Variants in DOK6 observed in about 807,000 individuals in gnomAD.
DOK6 encodes downstream of tyrosine kinase 6.
A neutral mutation model predicts 44.0 loss-of-function variants in DOK6; 22 were observed. The observed-to-expected ratio is 0.50, with a 90% confidence interval of 0.36 to 0.71. DOK6 has a LOEUF of 0.71. Ranked by LOEUF, DOK6 falls within the 30% of genes least tolerant of loss-of-function variation. The probability of loss-of-function intolerance (pLI) is 0.00; values close to 1 mark genes in which losing one functional copy is unlikely to be tolerated. For missense variants in DOK6, 340 were observed against 416.4 expected, an observed-to-expected ratio of 0.82 and a Z score of 1.60; for synonymous variants, 166 against 145.5, an observed-to-expected ratio of 1.14 and a Z score of -1.01.
At chr18:69,634,021 G>T (rs1298060602) in intron 3 of DOK6, among the ~76,000 whole-genome samples, 2 of 151,116 alleles carry the variant, frequency 1.3e-5, no homozygotes, top group African/African-American at 2.4e-5. Flanking sequence ...CAGTGACTTT[G>T]ATCTAATCAT....
At chr18:69,604,094 GC>G (rs2144625532) in intron 3 of DOK6, among the ~76,000 whole-genome samples, 1 of 152,136 alleles carries the variant, frequency 6.6e-6, no homozygotes, top group Non-Finnish European at 1.5e-5. Context: ...ACTGAACCCT[GC>G]AATTATTTTT....
chr18:69,657,753 G>A (rs549678898), intron 3 of DOK6, among the ~76,000 whole-genome samples: 21 of 152,242 alleles, frequency 1.4e-4, no homozygotes, highest in African/African-American at 4.3e-4. Flanking sequence ...TAGTAAATTC[G>A]TGAACTTGAT....
chr18:69,841,655 G>A lies in DOK6; in HGVS notation c.*272G>A. The A allele has an allele frequency of 2.7e-6, 1 of 369,118 alleles. No homozygotes were observed. The highest frequency in any genetic ancestry group is 2.0e-5 in the African/African-American group (1 of 49,444). 22.9% of individuals were successfully genotyped at this position (369,118 alleles called of 1,614,324 possible). On this transcript the variant is annotated 3_prime_UTR_variant, in exon 8 of 8. Transcript: ENST00000382713. Reference sequence around the variant, plus strand: ...GTTATTTAAATAAACAAAATTCTTTGGGTCTGACAGTAACAGAAACCTCAG... The same window carrying A: ...GTTATTTAAATAAACAAAATTCTTTAGGTCTGACAGTAACAGAAACCTCAG...
chr18:69,805,823 G>A (rs973266387), intron 7 of DOK6, among the ~76,000 whole-genome samples: 9 of 152,152 alleles, frequency 5.9e-5, no homozygotes, highest in African/African-American at 1.4e-4. Flanking sequence ...CTTGTGGTAC[G>A]AGTATACAAA....
intron 1 of DOK6, among the ~76,000 whole-genome samples, chr18:69,428,814 C>T (rs1342768016): frequency 6.6e-6 from 1 of 152,172 alleles, no homozygotes; most frequent in African/African-American, 2.4e-5. Context: ...AAACAAACTC[C>T]TAGAGTGTCA....
At chr18:69,594,566 A>C (rs73455888) in intron 2 of DOK6, among the ~76,000 whole-genome samples, 2,467 of 150,174 alleles carry the variant, frequency 0.016, 77 homozygotes, top group African/African-American at 0.057. Flanking sequence ...ATAGCACTAG[A>C]AGTCCTAGCC....
intron 1 of DOK6, among the ~76,000 whole-genome samples, chr18:69,484,303 T>C (rs1980512670): frequency 6.6e-6 from 1 of 150,638 alleles, no homozygotes; most frequent in South Asian, 2.1e-4. Flanking sequence ...ACTAAGATAC[T>C]TATTTTATAG....
chr18:69,736,512 T>C (rs927977980), intron 5 of DOK6, among the ~76,000 whole-genome samples: 8 of 152,200 alleles, frequency 5.3e-5, no homozygotes, highest in African/African-American at 1.7e-4. Context: ...GAGATTACAA[T>C]TGCAATTGTC....
At chr18:69,676,516 G>C (rs1985925590) in intron 3 of DOK6, among the ~76,000 whole-genome samples, 1 of 152,106 alleles carries the variant, frequency 6.6e-6, no homozygotes, top group Non-Finnish European at 1.5e-5. Flanking sequence ...CCAAGACAAA[G>C]GGTGAGGTGT....
chr18:69,411,797 T>C (rs1239935312), intron 1 of DOK6, among the ~76,000 whole-genome samples: 2 of 152,116 alleles, frequency 1.3e-5, no homozygotes, highest in African/African-American at 4.8e-5. Context: ...ATTCTTTCTC[T>C]TTGTCCTTAC....
intron 1 of DOK6, among the ~76,000 whole-genome samples, chr18:69,560,618 A>G (rs374608546): frequency 4.6e-5 from 7 of 152,170 alleles, no homozygotes; most frequent in Non-Finnish European, 8.8e-5. Flanking sequence ...AATAATTTGT[A>G]AAGTACATGT....
intron 1 of DOK6, among the ~76,000 whole-genome samples, chr18:69,416,159 A>G (rs1978336080): frequency 2.0e-5 from 1 of 50,732 alleles, no homozygotes; most frequent in Non-Finnish European, 4.4e-5. Flanking sequence ...GGAGGGAGGG[A>G]AGGAAGGAAG....
chr18:69,506,875 G>GCA (rs35233817), intron 1 of DOK6, among the ~76,000 whole-genome samples: 75,202 of 150,012 alleles, frequency 0.5, 20,881 homozygotes, highest in Middle Eastern at 0.65. Context: ...TGTTGAAAAT[G>GCA]CACACACACA....
At chr18:69,593,643 A>T (rs1983672628) in intron 2 of DOK6, among the ~76,000 whole-genome samples, 2 of 152,196 alleles carry the variant, frequency 1.3e-5, no homozygotes. Flanking sequence ...AGGCTCTGAA[A>T]TTAGAAAATC....
chr18:69,532,062 T>C (rs1054017731), intron 1 of DOK6, among the ~76,000 whole-genome samples: 5 of 152,174 alleles, frequency 3.3e-5, no homozygotes, highest in African/African-American at 1.2e-4. Flanking sequence ...AAGACATCTT[T>C]CTGCAAGCCA....
chr18:69,599,441 C>T lies in DOK6; in HGVS notation c.232C>T (p.His78Tyr). 1.2e-6 allele frequency: 2 copies of T among 1,613,962 alleles called. No individual in the cohort carries two copies. The highest frequency in any genetic ancestry group is 2.2e-5 in the South Asian group (2 of 91,062). Reference protein sequence around the residue: ...ITRLPRETKKHAVAIIFHDET... With the variant: ...ITRLPRETKKYAVAIIFHDET... ...CAGACTGCCCCGAGAGACAAAGAAG[C>T]ATGCGGTGGCAATCATCTTTCACGA... Residue 78 changes from histidine (H) to tyrosine (Y), a missense_variant, in exon 3 of 8, where the codon CAT (histidine) becomes TAT (tyrosine). Around this residue, in one of 3 missense-constraint regions of DOK6, gnomAD observed 206 missense variants for 258.6 expected, o/e 0.80. Coordinates refer to ENST00000382713, the MANE Select transcript of DOK6 (RefSeq NM_152721.6).
At chr18:69,779,913 A>C (rs1369804574) in intron 7 of DOK6, among the ~76,000 whole-genome samples, 1 of 151,998 alleles carries the variant, frequency 6.6e-6, no homozygotes, top group African/African-American at 2.4e-5. Flanking sequence ...TCATGTTTTC[A>C]CAGTTTCATG....
At chr18:69,713,846 A>T (rs1378195495) in intron 5 of DOK6, among the ~76,000 whole-genome samples, 1 of 152,160 alleles carries the variant, frequency 6.6e-6, no homozygotes, top group Non-Finnish European at 1.5e-5. Context: ...GTGGTATATC[A>T]CCATGAAACG....
chr18:69,506,839 T>A (rs1057168160), intron 1 of DOK6, among the ~76,000 whole-genome samples: 3 of 151,974 alleles, frequency 2.0e-5, no homozygotes, highest in Admixed American at 2.0e-4. Context: ...GATGGCAACA[T>A]TTTGAATTTG....
Sources: gnomAD v4.1 joint callset for allele counts (sites outside exome capture counted in the v4.1 genomes callset) on GRCh38, gnomAD v4.1.1 for gene constraint, gnomAD v4.1.1 regional missense constraint, MANE v1.5 for transcripts, NCBI Gene and HGNC (gene_info 2026-07-23, HGNC 2026-07-21) for gene names.